The following WDFY4 variants were observed in gnomAD, a reference collection of about 807,000 sequenced individuals.
WDFY4 encodes the protein WD repeat- and FYVE domain-containing protein 4.
In WDFY4, 169 loss-of-function variants were observed where a neutral mutation model predicts 351.9. That is an observed-to-expected ratio of 0.48 (90% CI 0.42 to 0.55). The LOEUF is 0.55. Among genes scored for constraint, WDFY4 ranks in the 20% least tolerant of loss-of-function variants. The probability of loss-of-function intolerance (pLI) is 0.00; values close to 1 mark genes in which losing one functional copy is unlikely to be tolerated. For missense variants in WDFY4, 3,803 were observed against 3,935.6 expected (o/e 0.97, Z 0.90); for synonymous variants, 1,622 against 1,574.6 (o/e 1.03, Z -0.71).
At position 48,946,175 on chromosome 10, in the gene WDFY4, G is replaced by C. The variant is rs1284875634; in HGVS notation, c.7867+18G>C. On this transcript the variant is annotated intron_variant, in intron 50 of 61. Transcript: ENST00000325239. ...AACTGAAGGTGAGTAGATCCAGCTT[G>C]ATTTTTGGTGCAGTGTTATTCATCG... 1 of 1,522,008 alleles carries C rather than the reference G, an allele frequency of 6.6e-7. No individual in the cohort carries two copies. The highest frequency in any genetic ancestry group is 2.5e-5 in the East Asian group (1 of 40,468). The allele number at this position is 1,522,008 out of a possible 1,614,324, so 94.3% of individuals were successfully genotyped here. A position where few individuals can be genotyped will look rare whatever the true frequency, so the allele number is the denominator to read the frequency against.
At chr10:48,901,669 G>T (rs552915036) in intron 46 of WDFY4, 132 bp from the exon 47 acceptor site, 4 of 955,610 alleles carry the variant, frequency 4.2e-6, no homozygotes, top group Admixed American at 2.1e-5. Context: ...TGGTGTTCAC[G>T]ACCTGGGGGC....
At chr10:48,793,852 T>C (rs1489649185) in intron 23 of WDFY4, among the ~76,000 whole-genome samples, 1 of 152,170 alleles carries the variant, frequency 6.6e-6, no homozygotes, top group Non-Finnish European at 1.5e-5. Flanking sequence ...GGTTTACTGG[T>C]TGGGTGGGAG....
At chr10:48,760,769 G>T (rs1045740250) in intron 13 of WDFY4, among the ~76,000 whole-genome samples, 2 of 152,206 alleles carry the variant, frequency 1.3e-5, no homozygotes, top group East Asian at 1.9e-4. Flanking sequence ...ACCTGGCGTT[G>T]GTGGGAAGTC....
At chr10:48,875,896 G>C (rs1020587553) in intron 42 of WDFY4, among the ~76,000 whole-genome samples, 6 of 152,210 alleles carry the variant, frequency 3.9e-5, no homozygotes, top group African/African-American at 1.4e-4. Flanking sequence ...TGTGATACCT[G>C]TTTGCCTCTC....
intron 10 of WDFY4, among the ~76,000 whole-genome samples, chr10:48,735,541 T>C (rs760375521): frequency 1.3e-5 from 2 of 152,180 alleles, no homozygotes; most frequent in South Asian, 2.1e-4. Flanking sequence ...TTATTAACTT[T>C]AGTCACCATG....
chr10:48,840,326 G>T (rs978613982), intron 39 of WDFY4, among the ~76,000 whole-genome samples: 1 of 151,968 alleles, frequency 6.6e-6, no homozygotes, highest in African/African-American at 2.4e-5. Flanking sequence ...CTGGGGCGGT[G>T]GGGAGGGGCT....
At chr10:48,856,126 G>A (rs939004350) in intron 39 of WDFY4, among the ~76,000 whole-genome samples, 1 of 152,088 alleles carries the variant, frequency 6.6e-6, no homozygotes, top group Non-Finnish European at 1.5e-5. Context: ...GTAGGACTTA[G>A]TGGAAAATTG....
chr10:48,804,811 C>T, intron 25 of WDFY4: 1 of 981,606 alleles, frequency 1.0e-6, no homozygotes, highest in Non-Finnish European at 1.2e-6. Flanking sequence ...TCTTTTTCTC[C>T]TTTGACTTTC....
intron 61 of WDFY4, among the ~76,000 whole-genome samples, chr10:48,981,995 C>G (rs550376613): frequency 6.6e-5 from 10 of 152,302 alleles, no homozygotes; most frequent in Non-Finnish European, 1.2e-4. Context: ...CGAGGTGCAG[C>G]CTTAGGGGCC....
At chr10:48,943,287 A>G (rs1840876557) in intron 48 of WDFY4, 43 bp from the exon 49 acceptor site, 4 of 1,547,136 alleles carry the variant, frequency 2.6e-6, no homozygotes, top group Admixed American at 2.0e-5. Context: ...TTGCAGGAGC[A>G]TCAAACGTAT....
intron 35 of WDFY4, 130 bp downstream of exon 35, chr10:48,822,667 GA>G (rs1367401455): frequency 1.3e-4 from 158 of 1,215,594 alleles, no homozygotes; most frequent in Middle Eastern, 2.5e-4. Context: ...GAGGAAGCAG[GA>G]GGCCCTTTAG....
intron 47 of WDFY4, among the ~76,000 whole-genome samples, chr10:48,914,517 G>T (rs1838322203): frequency 6.6e-6 from 1 of 152,164 alleles, no homozygotes; most frequent in Non-Finnish European, 1.5e-5. Context: ...ACTCTCCACT[G>T]TCCCAGACTG....
At chr10:48,738,039 G>A (rs1565146858) in intron 11 of WDFY4, among the ~76,000 whole-genome samples, 2 of 152,182 alleles carry the variant, frequency 1.3e-5, no homozygotes, top group Admixed American at 6.5e-5. Flanking sequence ...TCCATGTTCA[G>A]CGTGACTGGC....
chr10:48,865,456 A>G (rs1302710132), intron 39 of WDFY4, among the ~76,000 whole-genome samples: 1 of 152,132 alleles, frequency 6.6e-6, no homozygotes, highest in Non-Finnish European at 1.5e-5. Context: ...ATGTTGGTGG[A>G]TTCAGTTTGT....
rs998374475 is a variant in WDFY4 at position 48,958,861 on chromosome 10, T to C, written c.8132-861T>C. On this transcript the variant is annotated intron_variant, in intron 52 of 61. Transcript: ENST00000325239. The stretch of plus-strand genomic sequence containing the variant: ...TGAGGAGGTGGCAGGTGAGCTGAGA[T>C]GAGTGATGAGAAGGGCCAGGCCAGG... Among the ~76,000 whole-genome samples the C allele has an allele frequency of 2.0e-5, 3 of 151,970 alleles. No individual in the cohort carries two copies. In the East Asian group the frequency reaches 5.8e-4, roughly 29 times the overall value.
intron 39 of WDFY4, among the ~76,000 whole-genome samples, chr10:48,843,200 C>T (rs7915025): frequency 0.36 from 55,314 of 152,020 alleles, 10,608 homozygotes; most frequent in East Asian, 0.7. Context: ...TTAACCAGAT[C>T]TCACCTCCAT....
At chr10:48,840,648 A>G (rs1299698737) in intron 39 of WDFY4, among the ~76,000 whole-genome samples, 1 of 152,214 alleles carries the variant, frequency 6.6e-6, no homozygotes, top group Non-Finnish European at 1.5e-5. Context: ...CAGCAGCAGA[A>G]CTGAACAAGG....
chr10:48,969,385 G>A (rs964490751), intron 56 of WDFY4, 137 bp downstream of exon 56: 20 of 1,109,816 alleles, frequency 1.8e-5, no homozygotes, highest in African/African-American at 1.7e-4. Context: ...CAGCCTGGGC[G>A]GGAAAGGACT....
intron 51 of WDFY4, among the ~76,000 whole-genome samples, chr10:48,948,906 G>C (rs1409336307): frequency 6.6e-6 from 1 of 152,226 alleles, no homozygotes; most frequent in African/African-American, 2.4e-5. Flanking sequence ...AACTTAGCAT[G>C]AGCTAGACCT....
Sources: allele counts gnomAD v4.1 joint callset (sites outside exome capture counted in the v4.1 genomes callset), GRCh38; gene constraint gnomAD v4.1.1; transcripts MANE v1.5; gene names NCBI Gene and HGNC (gene_info 2026-07-23, HGNC 2026-07-21).